The following CNTNAP5 variants were observed in gnomAD, a reference collection of about 807,000 sequenced individuals.
The protein encoded by CNTNAP5 is contactin associated protein family member 5.
In CNTNAP5, 72 loss-of-function variants were observed where a neutral mutation model predicts 150.2. That is an observed-to-expected ratio of 0.48 (90% CI 0.40 to 0.58). CNTNAP5 has a LOEUF of 0.58. Among genes scored for constraint, CNTNAP5 ranks in the 20% least tolerant of loss-of-function variants. CNTNAP5 has a pLI of 0.00. For synonymous variants in CNTNAP5, 672 were observed against 619.8 expected (o/e 1.08, Z -1.25); for missense variants, 1,636 against 1,626.2 (o/e 1.01, Z -0.10).
intron 17 of CNTNAP5, 28 bp from the exon 18 acceptor site, chr2:124,789,874 A>T: frequency 6.2e-7 from 1 of 1,609,726 alleles, no homozygotes; most frequent in Non-Finnish European, 8.5e-7. Flanking sequence ...AATACCTTAC[A>T]TTTGTTTCCT....
At chr2:124,214,931 T>G (rs1313893237) in intron 1 of CNTNAP5, among the ~76,000 whole-genome samples, 1 of 152,148 alleles carries the variant, frequency 6.6e-6, no homozygotes, top group East Asian at 1.9e-4. Context: ...GAAAGCTGTA[T>G]TTTTGGTCTA....
intron 8 of CNTNAP5, among the ~76,000 whole-genome samples, chr2:124,510,518 T>TATATATATACACACACACAC (rs10641959): frequency 1.6e-5 from 2 of 124,918 alleles, no homozygotes; most frequent in African/African-American, 6.4e-5. Context: ...TATATATATA[T>TATATATATACACACACACAC]ACATATATCT....
intron 21 of CNTNAP5, among the ~76,000 whole-genome samples, chr2:124,871,984 A>T (rs1677759018): frequency 6.6e-6 from 1 of 151,950 alleles, no homozygotes; most frequent in Non-Finnish European, 1.5e-5. Context: ...TAGACTTGCT[A>T]ATTCTATCAT....
At chr2:124,880,787 T>C (rs1677948900) in intron 21 of CNTNAP5, among the ~76,000 whole-genome samples, 1 of 152,110 alleles carries the variant, frequency 6.6e-6, no homozygotes, top group Non-Finnish European at 1.5e-5. Context: ...ATATAAATAG[T>C]TTTGATAAGT....
intron 3 of CNTNAP5, among the ~76,000 whole-genome samples, chr2:124,313,900 G>C (rs1688894871): frequency 6.6e-6 from 1 of 152,178 alleles, no homozygotes; most frequent in Admixed American, 6.5e-5. Flanking sequence ...TGTACTTGCA[G>C]ATGAACTTAC....
intron 1 of CNTNAP5, among the ~76,000 whole-genome samples, chr2:124,122,104 A>T (rs1364146880): frequency 1.3e-5 from 2 of 152,160 alleles, no homozygotes; most frequent in Non-Finnish European, 2.9e-5. Context: ...GGCCAGATTC[A>T]TGGCTCGTTA....
chr2:124,484,152 C>T (rs1473712100), intron 7 of CNTNAP5, among the ~76,000 whole-genome samples: 2 of 152,174 alleles, frequency 1.3e-5, no homozygotes, highest in African/African-American at 4.8e-5. Context: ...GGAGAAATCA[C>T]AGGGATAGTA....
At chr2:124,434,763 T>C in intron 5 of CNTNAP5, 76 bp downstream of exon 5, 2 of 1,296,762 alleles carry the variant, frequency 1.5e-6, no homozygotes, top group South Asian at 2.6e-5. Context: ...GTCTGACACT[T>C]GCAGTGTATC....
intron 1 of CNTNAP5, among the ~76,000 whole-genome samples, chr2:124,074,255 A>T (rs1682383563): frequency 6.6e-6 from 1 of 152,112 alleles, no homozygotes; most frequent in South Asian, 2.1e-4. Flanking sequence ...GTTGGAAAGA[A>T]TGAATGAGAC....
chr2:124,506,336 GA>G (rs982640287), intron 8 of CNTNAP5, among the ~76,000 whole-genome samples: 2 of 151,108 alleles, frequency 1.3e-5, no homozygotes, highest in Admixed American at 6.6e-5. Flanking sequence ...AGGTAGTCAG[GA>G]AAAAAAAATG....
At chr2:124,063,374 T>A (rs2104655798) in intron 1 of CNTNAP5, among the ~76,000 whole-genome samples, 1 of 152,250 alleles carries the variant, frequency 6.6e-6, no homozygotes, top group Non-Finnish European at 1.5e-5. Context: ...AACGTTGATG[T>A]AGATATCTTT....
chr2:124,098,476 A>G (rs939899009), intron 1 of CNTNAP5, among the ~76,000 whole-genome samples: 1 of 152,222 alleles, frequency 6.6e-6, no homozygotes, highest in Non-Finnish European at 1.5e-5. Flanking sequence ...AACTTAGGAC[A>G]TAACAGCTAA....
intron 21 of CNTNAP5, among the ~76,000 whole-genome samples, chr2:124,881,544 T>A (rs1004469298): frequency 6.6e-6 from 1 of 152,062 alleles, no homozygotes; most frequent in Non-Finnish European, 1.5e-5. Flanking sequence ...TTGAGCCAGC[T>A]CTCCAGTCCT....
At chr2:124,104,958 T>C (rs1280506560) in intron 1 of CNTNAP5, among the ~76,000 whole-genome samples, 1 of 151,944 alleles carries the variant, frequency 6.6e-6, no homozygotes, top group African/African-American at 2.4e-5. Context: ...TTTCCTGACA[T>C]CTTGTCCCTT....
chr2:124,876,835 CTGTT>C (rs1471393513), intron 21 of CNTNAP5, among the ~76,000 whole-genome samples: 1 of 151,980 alleles, frequency 6.6e-6, no homozygotes, highest in Non-Finnish European at 1.5e-5. Context: ...ATGATACTGT[CTGTT>C]TGGGTAATAA....
chr2:124,583,342 A>T (rs1696456712), intron 11 of CNTNAP5, among the ~76,000 whole-genome samples: 1 of 152,218 alleles, frequency 6.6e-6, no homozygotes, highest in African/African-American at 2.4e-5. Context: ...GCCGGGAACG[A>T]TATGGTTATA....
chr2:124,298,033 T>C (rs1158818292), intron 3 of CNTNAP5, among the ~76,000 whole-genome samples: 1 of 151,962 alleles, frequency 6.6e-6, no homozygotes, highest in Non-Finnish European at 1.5e-5. Context: ...TTAGTAGAGA[T>C]GGGGTTTTAC....
intron 19 of CNTNAP5, among the ~76,000 whole-genome samples, chr2:124,846,042 G>T (rs571196038): frequency 6.7e-6 from 1 of 150,336 alleles, no homozygotes; most frequent in Non-Finnish European, 1.5e-5. Context: ...CTTTTCTTCT[G>T]CTGGCTTTGG....
chr2:124,221,756 G>A lies in CNTNAP5; in HGVS notation c.134G>A (p.Ser45Asn). 1 of 1,611,772 alleles carries A rather than the reference G, an allele frequency of 6.2e-7. No individual in the cohort carries two copies. The highest frequency in any genetic ancestry group is 8.5e-7 in the Non-Finnish European group (1 of 1,178,874). ...ASLLSPMAFS[S>N]SSDLTGTHSP... is the part of the protein sequence containing the mutation. ...CTGCTCTCTCCAATGGCTTTTTCCA[G>A]TTCCTCAGACCTCACTGGCACTCAC... is the stretch of plus-strand genomic sequence containing the variant. The change falls in exon 2 of 24, where the codon AGT (serine) becomes AAT (asparagine). Residue 45 changes from serine (S) to asparagine (N), a missense_variant. Coordinates refer to ENST00000682447, the MANE Select transcript of CNTNAP5 (RefSeq NM_001367498.1).
Sources: gnomAD v4.1 joint callset for allele counts (sites outside exome capture counted in the v4.1 genomes callset) on GRCh38, gnomAD v4.1.1 for gene constraint, MANE v1.5 for transcripts, NCBI Gene and HGNC (gene_info 2026-07-23, HGNC 2026-07-21) for gene names.